ARHGAP28: variants seen among roughly 807,000 people sequenced by gnomAD.
The protein encoded by ARHGAP28 is rho GTPase-activating protein 28.
Under a neutral mutation model 90.7 loss-of-function variants are expected in ARHGAP28, and 56 were observed. The ratio of observed to expected loss-of-function variants is 0.62; its 90% CI spans 0.50 to 0.77. The LOEUF (loss-of-function observed/expected upper bound fraction) is 0.77, where lower values mean the gene tolerates loss of function less well. Ranked by LOEUF, ARHGAP28 falls within the 30% of genes least tolerant of loss-of-function variation. ARHGAP28 has a pLI of 0.00. For synonymous variants in ARHGAP28, 308 were observed against 323.3 expected (o/e 0.95, Z 0.51); for missense variants, 869 against 900.9 (o/e 0.96, Z 0.45).
intron 3 of ARHGAP28, among the ~76,000 whole-genome samples, chr18:6,841,193 C>CTCACTGTCTCTCTCCTCTT (rs2056818427): frequency 3.3e-5 from 2 of 61,300 alleles, no homozygotes; most frequent in African/African-American, 8.3e-5. Context: ...CTCTCTCTCT[C>CTCACTGTCTCTCTCCTCTT]TCTCTCTCTC....
chr18:6,856,843 C>T (rs1422052281), intron 4 of ARHGAP28, among the ~76,000 whole-genome samples: 1 of 152,176 alleles, frequency 6.6e-6, no homozygotes, highest in Non-Finnish European at 1.5e-5. Context: ...TTTCCCATTT[C>T]ATATAAGTCT....
chr18:6,743,387 T>G (rs1336513833), intron 1 of ARHGAP28, among the ~76,000 whole-genome samples: 1 of 152,140 alleles, frequency 6.6e-6, no homozygotes, highest in Non-Finnish European at 1.5e-5. Context: ...CCCCTCTCCC[T>G]CATCAGACGG....
chr18:6,891,670 C>T (rs1262325109), intron 14 of ARHGAP28, among the ~76,000 whole-genome samples: 1 of 152,196 alleles, frequency 6.6e-6, no homozygotes, highest in South Asian at 2.1e-4. Context: ...TCACTGCAAC[C>T]TCGAACTCCT....
At chr18:6,790,631 G>C (rs1030095112) in intron 1 of ARHGAP28, 12 of 152,208 alleles carry the variant, frequency 7.9e-5, no homozygotes, top group African/African-American at 2.9e-4. Context: ...CAAGAGGGGT[G>C]GGGAGTCTAC....
intron 1 of ARHGAP28, among the ~76,000 whole-genome samples, chr18:6,808,474 T>C (rs1243114173): frequency 1.3e-5 from 2 of 152,200 alleles, no homozygotes; most frequent in Non-Finnish European, 2.9e-5. Flanking sequence ...GTAATTTTCA[T>C]TGGATTTTGG....
chr18:6,783,337 T>C (rs1600179766), intron 1 of ARHGAP28, among the ~76,000 whole-genome samples: 1 of 126,230 alleles, frequency 7.9e-6, no homozygotes, highest in Non-Finnish European at 1.6e-5. Context: ...GTTTCGCTCT[T>C]GTTACCAAGG....
At position 6,915,496 on chromosome 18, in the gene ARHGAP28, A is replaced by T. The variant is rs1424232311; in HGVS notation, c.*3342A>T. ...TCAAGCATTTTTAACAGTTTTACAC[A>T]CTTACATACACCTTAATTAAAAATT... On this transcript the variant is annotated 3_prime_UTR_variant, in exon 18 of 18. Transcript: ENST00000383472. 6.7e-6 allele frequency: 1 copy of T among 149,458 alleles called. No individual in the cohort carries two copies. Among genetic ancestry groups the T allele is most frequent in the African/African-American group, 2.5e-5 (1 of 40,400 alleles). 9.3% of individuals were successfully genotyped at this position (149,458 alleles called of 1,614,324 possible).
chr18:6,830,315 G>A (rs989463570), intron 2 of ARHGAP28, among the ~76,000 whole-genome samples: 1 of 151,452 alleles, frequency 6.6e-6, no homozygotes, highest in African/African-American at 2.4e-5. Flanking sequence ...ATGTTATAAT[G>A]TGAATGCTAT....
intron 1 of ARHGAP28, among the ~76,000 whole-genome samples, chr18:6,800,194 A>C (rs1415868231): frequency 6.6e-6 from 1 of 152,234 alleles, no homozygotes; most frequent in Non-Finnish European, 1.5e-5. Context: ...GCAATCATTA[A>C]AAAGTCAGGA....
chr18:6,843,529 C>G lies in ARHGAP28; in HGVS notation c.543+6115C>G, dbSNP rs7505956. Among the ~76,000 whole-genome samples, 3,205 of 152,246 alleles carry G rather than the reference C, an allele frequency of 0.021. 242 individuals carry two copies. The East Asian group carries it at 0.28, about 13-fold the overall frequency. ...CAAACCATTCCTGCCTGATTTTTAT[C>G]TGCCAGGAACTTCCAACAATTTCTG... On this transcript the variant is annotated intron_variant, in intron 3 of 17. Transcript: ENST00000383472.
intron 17 of ARHGAP28, among the ~76,000 whole-genome samples, chr18:6,910,989 C>CAATTA (rs2057395043): frequency 6.6e-6 from 1 of 151,266 alleles, no homozygotes; most frequent in Non-Finnish European, 1.5e-5. Flanking sequence ...GGATTACAGG[C>CAATTA]GCCCATCACC....
chr18:6,824,685 T>A, intron 1 of ARHGAP28, 77 bp from the exon 2 acceptor site: 1 of 1,250,232 alleles, frequency 8.0e-7, no homozygotes, highest in Non-Finnish European at 1.1e-6. Context: ...TAATTAAACT[T>A]AATTAAATTT....
intron 3 of ARHGAP28, among the ~76,000 whole-genome samples, chr18:6,841,195 C>T (rs1315232247): frequency 6.3e-5 from 4 of 63,344 alleles, no homozygotes; most frequent in Admixed American, 1.6e-4. Context: ...CTCTCTCTCT[C>T]TCTCTCTCCT....
At chr18:6,886,348 A>T (rs1322477750) in intron 11 of ARHGAP28, among the ~76,000 whole-genome samples, 1 of 152,090 alleles carries the variant, frequency 6.6e-6, no homozygotes, top group Non-Finnish European at 1.5e-5. Flanking sequence ...TCTCTGGTGT[A>T]TTCTAAATTT....
chr18:6,914,812 T>C lies in ARHGAP28; in HGVS notation c.*2658T>C, dbSNP rs2057414989. The C allele has an allele frequency of 6.6e-6, 1 of 152,554 alleles. No homozygotes were observed. The highest frequency in any genetic ancestry group is 2.1e-4 in the South Asian group (1 of 4,828). The allele number at this position is 152,554 out of a possible 1,614,324, so 9.5% of individuals were successfully genotyped here. A position where few individuals can be genotyped will look rare whatever the true frequency, so the allele number is the denominator to read the frequency against. On this transcript the variant is annotated 3_prime_UTR_variant, in exon 18 of 18. Transcript: ENST00000383472. ...GGAATGCTTATTCAGAAAAAAATCC[T>C]AGAGTTGATTCATTGTTTTCCTCCA...
Position 6,851,091 on chromosome 18 carries a change from G to C in ARHGAP28, c.601G>C (p.Glu201Gln). 2.5e-6 allele frequency: 4 copies of C among 1,614,120 alleles called. No homozygotes were observed. The highest frequency in any genetic ancestry group is 2.2e-5 in the East Asian group (1 of 44,850). Reference sequence around the variant, plus strand: ...GCTGGATGGCACCAAGGAAGAAAGAGAGCTTCCAAGAGTTATCAAGACAAG... The same window carrying C: ...GCTGGATGGCACCAAGGAAGAAAGACAGCTTCCAAGAGTTATCAAGACAAG... ...NQLDGTKEER[E>Q]LPRVIKTSGS... The change falls in exon 4 of 18, where the codon GAG (glutamate) becomes CAG (glutamine). Residue 201 changes from glutamate to glutamine, a missense_variant. Physicochemically the swap from Glu to Gln is conservative, Grantham distance 29. Transcript: ENST00000383472.
chr18:6,825,179 G>A (rs969148088), intron 2 of ARHGAP28, among the ~76,000 whole-genome samples: 1 of 152,138 alleles, frequency 6.6e-6, no homozygotes, highest in African/African-American at 2.4e-5. Flanking sequence ...AGGAGGGCTG[G>A]ACCTCAACAA....
intron 1 of ARHGAP28, among the ~76,000 whole-genome samples, chr18:6,736,631 C>T (rs1029416221): frequency 6.6e-6 from 1 of 150,938 alleles, no homozygotes; most frequent in Non-Finnish European, 1.5e-5. Flanking sequence ...CCTGTAATCC[C>T]AGCTACTTGG....
intron 4 of ARHGAP28, among the ~76,000 whole-genome samples, chr18:6,854,086 C>T (rs765296739): frequency 6.6e-6 from 1 of 151,806 alleles, no homozygotes; most frequent in African/African-American, 2.4e-5. Context: ...GAAAGTTGAA[C>T]CAGATTGGTC....
Sources: allele counts gnomAD v4.1 joint callset (sites outside exome capture counted in the v4.1 genomes callset), GRCh38; gene constraint gnomAD v4.1.1; transcripts MANE v1.5; gene names NCBI Gene and HGNC (gene_info 2026-07-23, HGNC 2026-07-21).